SRP19: variants seen among roughly 807,000 people sequenced by gnomAD.
SRP19 encodes the protein signal recognition particle 19 kDa protein.
A neutral mutation model predicts 22.4 loss-of-function variants in SRP19; 11 were observed. The observed-to-expected ratio is 0.49, with a 90% CI of 0.31 to 0.81. The LOEUF (loss-of-function observed/expected upper bound fraction) is 0.81, where lower values mean the gene tolerates loss of function less well. Among genes scored for constraint, SRP19 ranks in the 40% least tolerant of loss-of-function variants. SRP19 has a pLI of 0.05. For missense variants in SRP19, 168 were observed against 175.9 expected, an observed-to-expected ratio of 0.96 and a Z score of 0.25; for synonymous variants, 61 against 57.6, an observed-to-expected ratio of 1.06 and a Z score of -0.27.
intron 2 of SRP19, 48 bp downstream of exon 2, chr5:112,862,631 C>G (rs1275739782): frequency 1.3e-6 from 2 of 1,555,990 alleles, no homozygotes; most frequent in Admixed American, 3.4e-5. Context: ...TGGGGGGTGT[C>G]ATCCTGGTCG....
downstream of SRP19, among the ~76,000 whole-genome samples, chr5:112,874,680 A>G (rs1767854603): frequency 2.0e-5 from 3 of 151,850 alleles, no homozygotes; most frequent in South Asian, 6.2e-4. Context: ...TTTCAGCCCC[A>G]CCCCAGACTT....
chr5:112,892,752 G>A, exon 5 of SRP19: 4 of 1,614,030 alleles, frequency 2.5e-6, no homozygotes, highest in Non-Finnish European at 2.5e-6. Context: ...GGAGGGAGAA[G>A]ATGGGCCACC....
downstream of SRP19, chr5:112,893,182 G>A (rs192656926): frequency 4.6e-3 from 2,443 of 529,420 alleles, 31 homozygotes; most frequent in Middle Eastern, 0.029. Context: ...GGCTGAGGTG[G>A]GTGGATCACT....
intron 4 of SRP19, chr5:112,878,922 A>G (rs1767980642): frequency 1.3e-6 from 2 of 1,598,704 alleles, no homozygotes; most frequent in Non-Finnish European, 1.7e-6. Flanking sequence ...TAATGTAGCT[A>G]CTAGATAACA....
At chr5:112,862,402 C>T in intron 1 of SRP19, 106 bp from the exon 2 acceptor site, 1 of 909,662 alleles carries the variant, frequency 1.1e-6, no homozygotes, top group Admixed American at 1.9e-5. Context: ...GAGTACCCAT[C>T]TGATATCTAG....
chr5:112,862,251 G>A, intron 1 of SRP19: 5 of 541,308 alleles, frequency 9.2e-6, no homozygotes, highest in Non-Finnish European at 1.6e-5. Flanking sequence ...ATTGACCTGT[G>A]CCAGTCTGAT....
chr5:112,889,977 C>A (rs146563653), intron 4 of SRP19, among the ~76,000 whole-genome samples: 1,755 of 150,396 alleles, frequency 0.012, 41 homozygotes, highest in Middle Eastern at 0.041. Context: ...CAGGCAAACA[C>A]CACCATGCCC....
chr5:112,881,591 A>G (rs138399525), intron 4 of SRP19, among the ~76,000 whole-genome samples: 2 of 152,128 alleles, frequency 1.3e-5, no homozygotes, highest in East Asian at 3.9e-4. Flanking sequence ...CCCTAGTACA[A>G]ATGGATCTGG....
chr5:112,873,271 CTTTTTTTTT>C (rs35379154), downstream of SRP19, among the ~76,000 whole-genome samples: 4 of 50,720 alleles, frequency 7.9e-5, no homozygotes, highest in African/African-American at 1.7e-4. Flanking sequence ...CTCAGGTTTT[CTTTTTTTTT>C]TTTTTTTTTT....
At chr5:112,878,767 A>C (rs1767972941) in intron 4 of SRP19, 1 of 1,614,012 alleles carries the variant, frequency 6.2e-7, no homozygotes, top group South Asian at 1.1e-5. Context: ...GAGGGCAGGA[A>C]GTTTCCATCC....
chr5:112,887,913 A>G (rs1676699520), intron 4 of SRP19, among the ~76,000 whole-genome samples: 1 of 152,218 alleles, frequency 6.6e-6, no homozygotes, highest in South Asian at 2.1e-4. Context: ...CAAGTCATCC[A>G]TGCAATTTAC....
intron 4 of SRP19, chr5:112,877,511 G>A (rs1309644754): frequency 2.0e-5 from 3 of 152,114 alleles, no homozygotes; most frequent in African/African-American, 7.2e-5. Flanking sequence ...TTACTATGTA[G>A]TCATGTGCAG....
At position 112,862,518 on chromosome 5, in the gene SRP19, A is replaced by C. The variant is rs987763441; in HGVS notation, c.52A>C (p.Ile18Leu). 19 of 1,613,610 alleles carry C rather than the reference A, an allele frequency of 1.2e-5. No homozygotes were observed. The highest frequency in any genetic ancestry group is 1.6e-5 in the Non-Finnish European group (19 of 1,179,820). ...SPADQDRFIC[I>L]YPAYLNNKKT... ...TATTGTCTATGGCAGGTTTATTTGT[A>C]TCTATCCTGCTTATTTAAATAATAA... The change falls in exon 2 of 5, where the codon ATC becomes CTC. Residue 18 changes from isoleucine (I) to leucine (L), a missense_variant. By Grantham distance (5) the Ile-to-Leu change is conservative. Coordinates refer to ENST00000505459, the MANE Select transcript of SRP19 (RefSeq NM_003135.3).
chr5:112,887,273 G>T, intron 4 of SRP19: 1 of 1,208,072 alleles, frequency 8.3e-7, no homozygotes. Flanking sequence ...TCTGGGGATG[G>T]GAGATGCCTC....
intron 4 of SRP19, chr5:112,877,215 TAGTA>T (rs1189280457): frequency 6.6e-6 from 1 of 152,232 alleles, no homozygotes; most frequent in Non-Finnish European, 1.5e-5. Context: ...TACTGTCACT[TAGTA>T]TTGATATCTT....
chr5:112,883,611 C>T (rs564487782), intron 4 of SRP19, among the ~76,000 whole-genome samples: 2 of 152,276 alleles, frequency 1.3e-5, no homozygotes, highest in South Asian at 4.2e-4. Flanking sequence ...CTCATCTAGT[C>T]TCATGCTTAA....
chr5:112,887,014 C>A, intron 4 of SRP19: 2 of 1,597,102 alleles, frequency 1.3e-6, no homozygotes, highest in Non-Finnish European at 1.7e-6. Context: ...CTGAGTCTTA[C>A]CTTCTTTAGT....
intron 4 of SRP19, among the ~76,000 whole-genome samples, chr5:112,875,155 G>GATT (rs1373052250): frequency 6.6e-6 from 1 of 152,160 alleles, no homozygotes; most frequent in Non-Finnish European, 1.5e-5. Flanking sequence ...AAGAGTTAAT[G>GATT]TTCTAGCAGT....
At chr5:112,897,966 G>C (rs1172656777), downstream of SRP19, 2 of 152,310 alleles carry the variant, frequency 1.3e-5, no homozygotes, top group Admixed American at 1.3e-4. Flanking sequence ...GGCTGTGGCA[G>C]GAGAATCGCT....
Sources: gnomAD v4.1 joint callset for allele counts (sites outside exome capture counted in the v4.1 genomes callset) on GRCh38, gnomAD v4.1.1 for gene constraint, MANE v1.5 for transcripts, NCBI Gene and HGNC (gene_info 2026-07-23, HGNC 2026-07-21) for gene names.